Variants in CDC16 observed in about 807,000 individuals in gnomAD.
The protein encoded by CDC16 is cell division cycle protein 16 homolog.
Under a neutral mutation model 87.0 loss-of-function variants are expected in CDC16, and 34 were observed. That is an observed-to-expected ratio of 0.39 (90% CI 0.30 to 0.52). The LOEUF (loss-of-function observed/expected upper bound fraction) is 0.52. Among genes scored for constraint, CDC16 ranks in the 20% least tolerant of loss-of-function variants. The probability of loss-of-function intolerance (pLI) is 0.74; values close to 1 mark genes in which losing one functional copy is unlikely to be tolerated. For missense variants in CDC16, 653 were observed against 751.9 expected (o/e 0.87, Z 1.54); for synonymous variants, 263 against 260.6 (o/e 1.01, Z -0.09).
rs1472615996 is a variant in CDC16 at position 114,262,277 on chromosome 13, G to GA, written c.1376+334dup. On this transcript the variant is annotated intron_variant, in intron 15 of 17. Coordinates refer to ENST00000356221, the MANE Select transcript of CDC16 (RefSeq NM_001078645.3). ...GTGGTGTGATAAACAGGCGACAGTTGAAAAATGGGTTTTTTGGTTAAATAT... is the reference window on the plus strand; with the variant it reads ...GTGGTGTGATAAACAGGCGACAGTTGAAAAAATGGGTTTTTTGGTTAAATAT... 7.2e-5 allele frequency among the ~76,000 whole-genome samples: 11 copies of GA among 152,310 alleles called. No homozygotes were observed. The East Asian group carries it at 2.1e-3, about 29-fold the overall frequency.
Position 114,237,739 on chromosome 13 carries a change from C to T in CDC16, c.201+843C>T, listed in dbSNP as rs576078235. 5.5e-4 allele frequency among the ~76,000 whole-genome samples: 84 copies of T among 152,332 alleles called. 1 individual carries two copies. The highest frequency in any genetic ancestry group is 2.9e-3 in the South Asian group (14 of 4,826). ...ATGGATATTCCTCTTCCTCCCCACTCGTACGTGTCAGGCCTTTGATTTTTT... is the reference window on the plus strand; with the variant it reads ...ATGGATATTCCTCTTCCTCCCCACTTGTACGTGTCAGGCCTTTGATTTTTT... On this transcript the variant is annotated intron_variant, in intron 3 of 17. Transcript: ENST00000356221.
intron 1 of CDC16, 51 bp downstream of exon 1, chr13:114,235,183 T>C (rs2081183269): frequency 2.5e-6 from 3 of 1,191,438 alleles, no homozygotes; most frequent in Non-Finnish European, 3.2e-6. Flanking sequence ...CGGGTCTTTT[T>C]CCGCGCGGCG....
At chr13:114,260,978 G>A (rs529465943) in intron 14 of CDC16, among the ~76,000 whole-genome samples, 9 of 152,258 alleles carry the variant, frequency 5.9e-5, no homozygotes, top group African/African-American at 2.2e-4. Flanking sequence ...ATCAACTGGC[G>A]AATGTAAGTA....
chr13:114,240,350 C>T (rs924702298), intron 5 of CDC16, among the ~76,000 whole-genome samples: 4 of 152,136 alleles, frequency 2.6e-5, no homozygotes, highest in Non-Finnish European at 5.9e-5. Context: ...GCTGGGACTA[C>T]AGGCGCCCGC....
At chr13:114,239,638 G>A (rs1392599750) in intron 5 of CDC16, 148 bp downstream of exon 5, 1 of 1,221,160 alleles carries the variant, frequency 8.2e-7, no homozygotes, top group South Asian at 3.3e-5. Flanking sequence ...AACCAAAAAA[G>A]ATTCTGAGAC....
At chr13:114,257,543 A>T (rs184872029) in intron 13 of CDC16, among the ~76,000 whole-genome samples, 149 of 152,276 alleles carry the variant, frequency 9.8e-4, no homozygotes, top group Non-Finnish European at 1.4e-3. Context: ...CTCTGTGTTG[A>T]TAAGGAGTTG....
At chr13:114,242,598 A>G (rs1343368459) in intron 6 of CDC16, 1 of 238,116 alleles carries the variant, frequency 4.2e-6, no homozygotes, top group Non-Finnish European at 8.1e-6. Flanking sequence ...GAAGACAGAG[A>G]AACATCCATG....
At position 114,243,284 on chromosome 13, in the gene CDC16, T is replaced by C; in HGVS notation, c.569T>C (p.Leu190Pro). The C allele has an allele frequency of 6.3e-7, 1 of 1,580,120 alleles. No individual in the cohort carries two copies. The highest frequency in any genetic ancestry group is 8.7e-7 in the Non-Finnish European group (1 of 1,149,768). Residue 190 changes from leucine to proline, a missense_variant, in exon 7 of 18, where the codon CTT (leucine) becomes CCT (proline). Transcript: ENST00000356221. ...EEKELLESLP[L>P]SKLCNEEQEL... ...AAAGAACTTCTTGAATCACTACCCC[T>C]TAGCAAGCTGTGTAATGAAGAACAG...
At chr13:114,240,039 T>G (rs2081467563) in intron 5 of CDC16, among the ~76,000 whole-genome samples, 1 of 152,066 alleles carries the variant, frequency 6.6e-6, no homozygotes, top group Non-Finnish European at 1.5e-5. Context: ...CTTATTGAGG[T>G]ATAATTTATA....
chr13:114,238,037 C>T (rs554242371), intron 3 of CDC16, among the ~76,000 whole-genome samples: 1 of 151,888 alleles, frequency 6.6e-6, no homozygotes, highest in Admixed American at 6.6e-5. Flanking sequence ...GCACGTGCTC[C>T]AGTCACGTGG....
At chr13:114,264,006 G>A (rs2083024597) in intron 16 of CDC16, among the ~76,000 whole-genome samples, 1 of 152,140 alleles carries the variant, frequency 6.6e-6, no homozygotes, top group Admixed American at 6.6e-5. Flanking sequence ...TGAACTAATG[G>A]TATTTGGAGA....
chr13:114,255,010 T>C lies in CDC16; in HGVS notation c.1098-2068T>C, dbSNP rs2082410723. Among the ~76,000 whole-genome samples the C allele has an allele frequency of 2.0e-5, 3 of 152,340 alleles. No homozygotes were observed. The South Asian group carries it at 6.2e-4, about 32-fold the overall frequency. ...ATTGCTTACTATTGATAATAACTCT[T>C]TCAACCAATCAGAAAAATCTTAAAT... On this transcript the variant is annotated intron_variant, in intron 12 of 17. Transcript: ENST00000356221.
chr13:114,266,078 A>G (rs2083196033), intron 17 of CDC16, among the ~76,000 whole-genome samples: 2 of 152,188 alleles, frequency 1.3e-5, no homozygotes, highest in South Asian at 4.1e-4. Context: ...CGGCCTCTCA[A>G]AGTGCTGGGA....
chr13:114,268,534 A>T (rs2083396450), intron 17 of CDC16, among the ~76,000 whole-genome samples: 2 of 152,240 alleles, frequency 1.3e-5, no homozygotes, highest in Non-Finnish European at 2.9e-5. Flanking sequence ...GTGGCAGATC[A>T]GAGGCTGAAG....
chr13:114,267,695 A>G (rs2083324148), intron 17 of CDC16, among the ~76,000 whole-genome samples: 1 of 151,584 alleles, frequency 6.6e-6, no homozygotes, highest in African/African-American at 2.4e-5. Context: ...AGATAGAGTA[A>G]TCACTAAAAA....
At chr13:114,240,913 A>G (rs2081516714) in intron 5 of CDC16, among the ~76,000 whole-genome samples, 1 of 152,174 alleles carries the variant, frequency 6.6e-6, no homozygotes, top group Admixed American at 6.5e-5. Flanking sequence ...TTTGCAACGC[A>G]TTATTATTTA....
At chr13:114,248,706 G>A in intron 11 of CDC16, among the ~76,000 whole-genome samples, 1 of 151,954 alleles carries the variant, frequency 6.6e-6, no homozygotes. Flanking sequence ...GAGTGGGGGT[G>A]GGGGAGATGT....
chr13:114,237,425 G>T (rs140771827), intron 3 of CDC16, among the ~76,000 whole-genome samples: 432 of 151,862 alleles, frequency 2.8e-3, no homozygotes, highest in African/African-American at 9.6e-3. Context: ...TAATAGCTGG[G>T]ACTACAGGTG....
At chr13:114,265,054 C>G in intron 16 of CDC16, 96 bp from the exon 17 acceptor site, 3 of 907,218 alleles carry the variant, frequency 3.3e-6, no homozygotes, top group Non-Finnish European at 3.7e-6. Context: ...CCACTTCCCC[C>G]ACCCTGGATG....
Sources: gnomAD v4.1 joint callset for allele counts (sites outside exome capture counted in the v4.1 genomes callset) on GRCh38, gnomAD v4.1.1 for gene constraint, MANE v1.5 for transcripts, NCBI Gene and HGNC (gene_info 2026-07-23, HGNC 2026-07-21) for gene names.